Variants in BMERB1 observed in about 807,000 individuals in gnomAD.
BMERB1 encodes bMERB domain containing 1, also known as bMERB domain-containing protein 1.
BMERB1 carries 12 observed loss-of-function variants against 23.6 expected under a neutral mutation model. The ratio of observed to expected loss-of-function variants is 0.51; its 90% CI spans 0.33 to 0.82. The LOEUF (loss-of-function observed/expected upper bound fraction) is 0.82. Among genes scored for constraint, BMERB1 ranks in the 40% least tolerant of loss-of-function variants. The probability of loss-of-function intolerance (pLI) is 0.03; values close to 1 mark genes in which losing one functional copy is unlikely to be tolerated. For synonymous variants in BMERB1, 122 were observed against 96.6 expected (o/e 1.26, Z -1.54); for missense variants, 247 against 255.4 (o/e 0.97, Z 0.22).
intron 2 of BMERB1, among the ~76,000 whole-genome samples, chr16:15,526,990 T>TTTA (rs201258028): frequency 0.018 from 2,631 of 148,754 alleles, 79 homozygotes; most frequent in African/African-American, 0.062. Flanking sequence ...TATAGTATAT[T>TTTA]TTATATAAAT....
intron 1 of BMERB1, among the ~76,000 whole-genome samples, chr16:15,439,832 A>G (rs371884452): frequency 6.6e-6 from 1 of 152,200 alleles, no homozygotes; most frequent in Admixed American, 6.5e-5. Context: ...TCAGAAACAC[A>G]GTTGTCTCTG....
At chr16:15,452,361 A>G (rs2150924684) in intron 1 of BMERB1, among the ~76,000 whole-genome samples, 1 of 151,928 alleles carries the variant, frequency 6.6e-6, no homozygotes, top group South Asian at 2.1e-4. Context: ...AGAGAAAGAA[A>G]GAAAAAGAAA....
intron 2 of BMERB1, among the ~76,000 whole-genome samples, chr16:15,541,420 ATTGT>A (rs2052077912): frequency 7.5e-6 from 1 of 132,758 alleles, no homozygotes; most frequent in African/African-American, 2.9e-5. Flanking sequence ...TGCCCGCCGA[ATTGT>A]TTTTTTTTTT....
chr16:15,515,688 A>G (rs2051742574), intron 2 of BMERB1, among the ~76,000 whole-genome samples: 1 of 152,172 alleles, frequency 6.6e-6, no homozygotes, highest in Non-Finnish European at 1.5e-5. Flanking sequence ...CCCACGGGGA[A>G]GAAAGAGGGA....
At chr16:15,537,200 A>T (rs2052033424) in intron 2 of BMERB1, among the ~76,000 whole-genome samples, 1 of 152,178 alleles carries the variant, frequency 6.6e-6, no homozygotes, top group African/African-American at 2.4e-5. Context: ...GTGTCCAACC[A>T]AACAGAATTT....
intron 1 of BMERB1, among the ~76,000 whole-genome samples, chr16:15,438,207 C>G (rs762814023): frequency 6.6e-6 from 1 of 151,324 alleles, no homozygotes; most frequent in Non-Finnish European, 1.5e-5. Flanking sequence ...CTGCCTCAGC[C>G]TCCCAAGTAG....
chr16:15,550,132 G>A (rs1344358077), intron 2 of BMERB1, among the ~76,000 whole-genome samples: 1 of 152,162 alleles, frequency 6.6e-6, no homozygotes, highest in East Asian at 1.9e-4. Context: ...GTAGAGACAG[G>A]GTTTCACTGT....
intron 2 of BMERB1, among the ~76,000 whole-genome samples, chr16:15,525,597 C>T (rs1029388795): frequency 2.6e-5 from 4 of 151,326 alleles, no homozygotes; most frequent in South Asian, 2.1e-4. Flanking sequence ...CCCAGCTACT[C>T]GGAAAGTCGA....
chr16:15,570,369 G>C (rs1300450), intron 3 of BMERB1, among the ~76,000 whole-genome samples: 250 of 152,286 alleles, frequency 1.6e-3, no homozygotes, highest in Middle Eastern at 3.4e-3. Context: ...ATGAGCCTTA[G>C]AGCAGCGTTT....
chr16:15,546,131 T>A (rs1360984078), intron 2 of BMERB1, among the ~76,000 whole-genome samples: 1 of 151,916 alleles, frequency 6.6e-6, no homozygotes, highest in Non-Finnish European at 1.5e-5. Flanking sequence ...CTATAAAAAA[T>A]ATAAAAATTA....
At chr16:15,457,471 A>G (rs898041007) in intron 1 of BMERB1, among the ~76,000 whole-genome samples, 1 of 152,170 alleles carries the variant, frequency 6.6e-6, no homozygotes, top group Non-Finnish European at 1.5e-5. Flanking sequence ...ATTTTCTACA[A>G]TGCGAATATG....
intron 2 of BMERB1, among the ~76,000 whole-genome samples, chr16:15,555,707 C>T (rs2030234572): frequency 6.6e-6 from 1 of 152,170 alleles, no homozygotes. Context: ...CTGGCAGGCA[C>T]CTCTCCGGTC....
chr16:15,572,055 T>C (rs531518965), intron 3 of BMERB1, among the ~76,000 whole-genome samples: 236 of 152,170 alleles, frequency 1.6e-3, no homozygotes, highest in Non-Finnish European at 3.0e-3. Context: ...TCCAGATTGA[T>C]TGAGACCTTC....
intron 1 of BMERB1, among the ~76,000 whole-genome samples, chr16:15,471,260 CA>C (rs1461360780): frequency 2.0e-5 from 3 of 151,932 alleles, no homozygotes; most frequent in African/African-American, 7.3e-5. Context: ...TATGGATGTC[CA>C]ATTTGTCCAG....
At chr16:15,542,631 ATTTTTTTT>A (rs927255507) in intron 2 of BMERB1, among the ~76,000 whole-genome samples, 3 of 96,866 alleles carry the variant, frequency 3.1e-5, no homozygotes, top group Admixed American at 2.2e-4. Context: ...CCTCCTAGGG[ATTTTTTTT>A]TTTTTTTTTT....
intron 1 of BMERB1, among the ~76,000 whole-genome samples, chr16:15,482,576 A>G (rs376376353): frequency 3.4e-4 from 52 of 152,216 alleles, no homozygotes; most frequent in African/African-American, 1.2e-3. Flanking sequence ...GAGTCACTCG[A>G]CAATCCAAGG....
At chr16:15,516,153 G>T (rs896633372) in intron 2 of BMERB1, among the ~76,000 whole-genome samples, 1 of 152,184 alleles carries the variant, frequency 6.6e-6, no homozygotes, top group Non-Finnish European at 1.5e-5. Flanking sequence ...GCCAGGTGCA[G>T]TGGCTCACAC....
At chr16:15,468,135 C>CTTTTTTTTTTTTTTTTTTTTTT (rs749534588) in intron 1 of BMERB1, among the ~76,000 whole-genome samples, 1 of 31,018 alleles carries the variant, frequency 3.2e-5, no homozygotes, top group African/African-American at 8.6e-5. Flanking sequence ...CTTTCTTCTT[C>CTTTTTTTTTTTTTTTTTTTTTT]TTTTTTTTTT....
chr16:15,481,194 G>C (rs1326286413), intron 1 of BMERB1, among the ~76,000 whole-genome samples: 1 of 151,986 alleles, frequency 6.6e-6, no homozygotes, highest in Admixed American at 6.6e-5. Context: ...CACAGAATAT[G>C]TAGAGCATGT....
Sources: allele counts gnomAD v4.1 joint callset (sites outside exome capture counted in the v4.1 genomes callset), GRCh38; gene constraint gnomAD v4.1.1; transcripts MANE v1.5; gene names NCBI Gene and HGNC (gene_info 2026-07-23, HGNC 2026-07-21).